Variants in LRRC4C observed in about 807,000 individuals in gnomAD.
The protein encoded by LRRC4C is leucine-rich repeat-containing protein 4C.
A neutral mutation model predicts 33.6 loss-of-function variants in LRRC4C; 5 were observed. The ratio of observed to expected loss-of-function variants is 0.15; its 90% CI spans 0.08 to 0.31. LRRC4C has a LOEUF of 0.31. LRRC4C is among the 10% of genes least tolerant of loss of function. The pLI is 1.00. For synonymous variants in LRRC4C, 329 were observed against 302.0 expected, an observed-to-expected ratio of 1.09 and a Z score of -0.93; for missense variants, 560 against 796.7, an observed-to-expected ratio of 0.70 and a Z score of 3.58.
chr11:40,313,489 T>G (rs1945414584), intron 4 of LRRC4C, among the ~76,000 whole-genome samples: 1 of 150,234 alleles, frequency 6.7e-6, no homozygotes, highest in Non-Finnish European at 1.5e-5. Context: ...CGCAGAAGCA[T>G]AAAACTAGAG....
chr11:40,459,513 C>A (rs1168636537), intron 3 of LRRC4C, among the ~76,000 whole-genome samples: 1 of 152,088 alleles, frequency 6.6e-6, no homozygotes, highest in East Asian at 1.9e-4. Flanking sequence ...AAATAATTTC[C>A]AAATCACACA....
At chr11:40,584,177 C>CATATATATATTT in intron 3 of LRRC4C, among the ~76,000 whole-genome samples, 1 of 71,274 alleles carries the variant, frequency 1.4e-5, no homozygotes, top group East Asian at 8.3e-4. Context: ...ACGCACACTT[C>CATATATATATTT]ATATATATAT....
chr11:41,095,995 T>G (rs1940785353), intron 1 of LRRC4C, among the ~76,000 whole-genome samples: 1 of 152,164 alleles, frequency 6.6e-6, no homozygotes, highest in Admixed American at 6.5e-5. Flanking sequence ...GAGAGCCTAC[T>G]AAGTTTAGTA....
chr11:40,948,771 T>G (rs1281189326), intron 1 of LRRC4C, among the ~76,000 whole-genome samples: 1 of 150,032 alleles, frequency 6.7e-6, no homozygotes, highest in Non-Finnish European at 1.5e-5. Context: ...CTATCATTGT[T>G]GGACATTTGG....
At chr11:41,220,770 T>A (rs905102979) in intron 1 of LRRC4C, among the ~76,000 whole-genome samples, 1 of 152,302 alleles carries the variant, frequency 6.6e-6, no homozygotes, top group East Asian at 1.9e-4. Context: ...ATTTAATGGG[T>A]AATTTTTCAT....
At chr11:41,047,033 C>A (rs1272768253) in intron 1 of LRRC4C, among the ~76,000 whole-genome samples, 2 of 152,022 alleles carry the variant, frequency 1.3e-5, no homozygotes, top group Non-Finnish European at 2.9e-5. Flanking sequence ...TCAAAATTAA[C>A]AATTGTTGTG....
chr11:40,274,896 T>G (rs1942987275), intron 4 of LRRC4C, among the ~76,000 whole-genome samples: 1 of 152,106 alleles, frequency 6.6e-6, no homozygotes, highest in African/African-American at 2.4e-5. Flanking sequence ...ACAAGTGAAA[T>G]GCACCCATAT....
At chr11:41,242,388 A>G (rs1948288238) in intron 1 of LRRC4C, among the ~76,000 whole-genome samples, 1 of 152,034 alleles carries the variant, frequency 6.6e-6, no homozygotes, top group South Asian at 2.1e-4. Flanking sequence ...AATCACACCC[A>G]TTTGTGCTAC....
intron 1 of LRRC4C, among the ~76,000 whole-genome samples, chr11:41,336,091 G>C (rs1225995562): frequency 2.0e-5 from 3 of 152,080 alleles, no homozygotes; most frequent in Non-Finnish European, 4.4e-5. Flanking sequence ...TTTGTGCCTT[G>C]TGCAAACATG....
intron 1 of LRRC4C, among the ~76,000 whole-genome samples, chr11:41,456,238 A>C (rs1474246000): frequency 2.6e-5 from 4 of 152,136 alleles, no homozygotes; most frequent in Admixed American, 2.6e-4. Context: ...CTTTGAGCTA[A>C]CATACAGCTC....
chr11:41,275,057 A>G (rs1949440657), intron 1 of LRRC4C, among the ~76,000 whole-genome samples: 1 of 152,062 alleles, frequency 6.6e-6, no homozygotes, highest in Non-Finnish European at 1.5e-5. Flanking sequence ...GGTTGTTTAA[A>G]GAGCCTGGCA....
intron 3 of LRRC4C, among the ~76,000 whole-genome samples, chr11:40,451,642 C>T (rs1039268484): frequency 6.6e-6 from 1 of 151,882 alleles, no homozygotes; most frequent in Non-Finnish European, 1.5e-5. Flanking sequence ...GCCTTGGCCT[C>T]CCAAAGTGCT....
At chr11:41,303,518 G>C (rs1168957369) in intron 1 of LRRC4C, among the ~76,000 whole-genome samples, 2 of 124,918 alleles carry the variant, frequency 1.6e-5, no homozygotes, top group Non-Finnish European at 3.3e-5. Context: ...CCCCATCTGG[G>C]AAGTGAGGAG....
At chr11:40,999,655 A>T (rs1204381078) in intron 1 of LRRC4C, among the ~76,000 whole-genome samples, 2 of 151,966 alleles carry the variant, frequency 1.3e-5, no homozygotes, top group Non-Finnish European at 2.9e-5. Flanking sequence ...TCAGATCAAT[A>T]TTTTTTTTAA....
chr11:40,204,748 C>T lies in LRRC4C; in HGVS notation c.-96+36771G>A, dbSNP rs145751887. 3.9e-3 allele frequency among the ~76,000 whole-genome samples: 594 copies of T among 152,280 alleles called. 6 individuals are homozygous for T. Among genetic ancestry groups the T allele is most frequent in the African/African-American group, 0.013 (539 of 41,560 alleles). Reference sequence around the variant, plus strand: ...ACCCAACTCTTAGAAAAACCCTTCCCGTTCTTCAGCAGAGAGTTGAGTCTA... The same window carrying T: ...ACCCAACTCTTAGAAAAACCCTTCCTGTTCTTCAGCAGAGAGTTGAGTCTA... On this transcript the variant is annotated intron_variant, in intron 5 of 6. Coordinates refer to ENST00000528697, the MANE Select transcript of LRRC4C (RefSeq NM_001258419.2).
intron 1 of LRRC4C, among the ~76,000 whole-genome samples, chr11:41,340,444 T>C (rs1352645491): frequency 6.6e-6 from 1 of 152,186 alleles, no homozygotes; most frequent in African/African-American, 2.4e-5. Context: ...AATAAAGTCT[T>C]AATCGGAAGT....
intron 1 of LRRC4C, among the ~76,000 whole-genome samples, chr11:41,005,449 C>G (rs1854674978): frequency 6.6e-6 from 1 of 152,002 alleles, no homozygotes; most frequent in Admixed American, 6.6e-5. Flanking sequence ...ACTAAAAATA[C>G]AAAAATTAGC....
chr11:40,863,656 A>C (rs1382576199), intron 2 of LRRC4C, among the ~76,000 whole-genome samples: 1 of 152,190 alleles, frequency 6.6e-6, no homozygotes, highest in African/African-American at 2.4e-5. Context: ...AAGTGGTTTA[A>C]AGATAAGGAG....
At chr11:40,925,355 G>T (rs368029078) in intron 2 of LRRC4C, among the ~76,000 whole-genome samples, 6 of 152,074 alleles carry the variant, frequency 3.9e-5, no homozygotes, top group African/African-American at 1.4e-4. Flanking sequence ...ACAAAACAAG[G>T]GAAAGAATAT....
Sources: gnomAD v4.1 joint callset for allele counts (sites outside exome capture counted in the v4.1 genomes callset) on GRCh38, gnomAD v4.1.1 for gene constraint, MANE v1.5 for transcripts, NCBI Gene and HGNC (gene_info 2026-07-23, HGNC 2026-07-21) for gene names.